ADGRL3: variants seen among roughly 807,000 people sequenced by gnomAD.
ADGRL3 encodes the protein adhesion G protein-coupled receptor L3.
In ADGRL3, 62 loss-of-function variants were observed where a neutral mutation model predicts 153.5. That is an observed-to-expected ratio of 0.40 (90% CI 0.33 to 0.50). The LOEUF is 0.50. Among genes scored for constraint, ADGRL3 ranks in the 20% least tolerant of loss-of-function variants. The probability of loss-of-function intolerance (pLI) is 0.47; values close to 1 mark genes in which losing one functional copy is unlikely to be tolerated. For synonymous variants in ADGRL3, 710 were observed against 672.5 expected, an observed-to-expected ratio of 1.06 and a Z score of -0.86; for missense variants, 1,641 against 1,859.4, an observed-to-expected ratio of 0.88 and a Z score of 2.16.
intron 4 of ADGRL3, among the ~76,000 whole-genome samples, chr4:61,577,277 A>G (rs2098892560): frequency 6.6e-6 from 1 of 151,664 alleles, no homozygotes; most frequent in African/African-American, 2.4e-5. Context: ...ATTTCTCAAA[A>G]GCATGTATAG....
intron 6 of ADGRL3, among the ~76,000 whole-genome samples, chr4:61,689,679 C>T (rs973802550): frequency 6.6e-6 from 1 of 152,092 alleles, no homozygotes; most frequent in African/African-American, 2.4e-5. Context: ...TCCAGTTTCT[C>T]ATTTTAATTC....
At chr4:61,304,119 A>C (rs893429503) in intron 1 of ADGRL3, among the ~76,000 whole-genome samples, 4 of 152,188 alleles carry the variant, frequency 2.6e-5, no homozygotes, top group Non-Finnish European at 1.5e-5. Flanking sequence ...GCAGCTGCTG[A>C]TAATTGTAGA....
At chr4:61,373,021 T>A (rs1435048773) in intron 1 of ADGRL3, among the ~76,000 whole-genome samples, 1 of 152,124 alleles carries the variant, frequency 6.6e-6, no homozygotes, top group Non-Finnish European at 1.5e-5. Context: ...CTTTCTTTGA[T>A]TAGGAAAGGG....
intron 5 of ADGRL3, among the ~76,000 whole-genome samples, chr4:61,619,674 A>G (rs904796575): frequency 3.3e-5 from 5 of 152,152 alleles, no homozygotes; most frequent in African/African-American, 1.2e-4. Context: ...TAGTAATTGA[A>G]ACTCATAAGG....
intron 5 of ADGRL3, among the ~76,000 whole-genome samples, chr4:61,614,988 G>A (rs1366002849): frequency 1.3e-5 from 2 of 152,098 alleles, no homozygotes; most frequent in African/African-American, 2.4e-5. Flanking sequence ...TATGGAGGAA[G>A]AAAGAATGTA....
rs1392032421 is a variant in ADGRL3 at position 61,279,720 on chromosome 4, T to C, written c.-240+77955T>C. Among the ~76,000 whole-genome samples, 4 of 152,134 alleles carry C rather than the reference T, an allele frequency of 2.6e-5. No homozygotes were observed. In the East Asian group the frequency reaches 7.7e-4, roughly 29 times the overall value. ...GCTGCTTTTCCTCCTTGTCCATCTA[T>C]TATGTATATATTTTTTCTCCAATTC... On this transcript the variant is annotated intron_variant, in intron 1 of 26. Transcript: ENST00000683033.
intron 17 of ADGRL3, among the ~76,000 whole-genome samples, chr4:61,976,437 C>T (rs1307642761): frequency 6.6e-6 from 1 of 152,122 alleles, no homozygotes; most frequent in East Asian, 1.9e-4. Context: ...TATGGTTTGG[C>T]TGTGTCCTAA....
At chr4:61,318,543 A>G (rs1363790710) in intron 1 of ADGRL3, among the ~76,000 whole-genome samples, 1 of 152,266 alleles carries the variant, frequency 6.6e-6, no homozygotes, top group Admixed American at 6.5e-5. Flanking sequence ...CCCTGATTTG[A>G]GTCATCACCC....
intron 8 of ADGRL3, among the ~76,000 whole-genome samples, chr4:61,756,358 G>A (rs1230217532): frequency 1.3e-5 from 2 of 152,072 alleles, no homozygotes; most frequent in African/African-American, 2.4e-5. Flanking sequence ...TGGATTCCTA[G>A]GTATTTTATT....
chr4:61,582,717 A>G (rs893894097), intron 4 of ADGRL3, among the ~76,000 whole-genome samples: 1 of 151,900 alleles, frequency 6.6e-6, no homozygotes, highest in Non-Finnish European at 1.5e-5. Context: ...TGATTCATCT[A>G]TCATGTAATT....
At position 62,071,622 on chromosome 4, in the gene ADGRL3, C is replaced by A. The variant is rs927562080; in HGVS notation, c.*714C>A. 5.8e-6 allele frequency: 2 copies of A among 344,586 alleles called. No individual in the cohort carries two copies. Among genetic ancestry groups the A allele is most frequent in the South Asian group, 2.4e-5 (1 of 41,836 alleles). The allele number at this position is 344,586 out of a possible 1,614,324, so 21.3% of individuals were successfully genotyped here. The stretch of plus-strand genomic sequence containing the variant: ...CTTTCTGTTCCTCCAGAATTTGAGT[C>A]CTGTTAATGTAGTAGAAAAAAAAAA... On this transcript the variant is annotated 3_prime_UTR_variant, in exon 27 of 27. Coordinates refer to ENST00000683033, the MANE Select transcript of ADGRL3 (RefSeq NM_001387552.1).
At chr4:61,393,653 A>G (rs2096838241) in intron 2 of ADGRL3, among the ~76,000 whole-genome samples, 1 of 152,110 alleles carries the variant, frequency 6.6e-6, no homozygotes, top group African/African-American at 2.4e-5. Context: ...AAGCTTATAT[A>G]CTTACAAGAA....
At chr4:61,366,239 T>A (rs184260472) in intron 1 of ADGRL3, among the ~76,000 whole-genome samples, 27 of 152,338 alleles carry the variant, frequency 1.8e-4, no homozygotes, top group Admixed American at 4.6e-4. Flanking sequence ...GGTTCTAGAT[T>A]TCTATAAAGC....
chr4:61,985,459 G>A (rs1168839302), intron 19 of ADGRL3, among the ~76,000 whole-genome samples: 1 of 152,058 alleles, frequency 6.6e-6, no homozygotes, highest in East Asian at 1.9e-4. Context: ...GTGCTAAGGA[G>A]CCAATTAGAC....
chr4:61,693,173 T>A (rs774355561), intron 6 of ADGRL3, among the ~76,000 whole-genome samples: 3 of 152,084 alleles, frequency 2.0e-5, no homozygotes, highest in Admixed American at 1.3e-4. Flanking sequence ...AAGTAATAAT[T>A]GGAATAATAA....
intron 1 of ADGRL3, among the ~76,000 whole-genome samples, chr4:61,295,846 G>A (rs935236442): frequency 3.3e-5 from 5 of 151,732 alleles, no homozygotes; most frequent in Non-Finnish European, 7.4e-5. Context: ...GGTGGCATGT[G>A]CCTATTGTCC....
At chr4:61,899,827 C>T (rs2098654146) in intron 11 of ADGRL3, among the ~76,000 whole-genome samples, 1 of 152,216 alleles carries the variant, frequency 6.6e-6, no homozygotes, top group African/African-American at 2.4e-5. Context: ...TGAATCCTCA[C>T]ATGGTGGAAG....
chr4:62,043,306 G>A (rs1729374840), intron 24 of ADGRL3, among the ~76,000 whole-genome samples: 1 of 151,968 alleles, frequency 6.6e-6, no homozygotes, highest in Non-Finnish European at 1.5e-5. Context: ...AGGCAATAGA[G>A]GGTAATTAAT....
At chr4:61,592,984 G>A (rs2098975348) in intron 5 of ADGRL3, among the ~76,000 whole-genome samples, 1 of 151,988 alleles carries the variant, frequency 6.6e-6, no homozygotes, top group South Asian at 2.1e-4. Context: ...TTAATTTCTT[G>A]CTTTTTCTTT....
Sources: allele counts gnomAD v4.1 joint callset (sites outside exome capture counted in the v4.1 genomes callset), GRCh38; gene constraint gnomAD v4.1.1; transcripts MANE v1.5; gene names NCBI Gene and HGNC (gene_info 2026-07-23, HGNC 2026-07-21).